FIRRM: variants seen among roughly 807,000 people sequenced by gnomAD.
FIRRM encodes the protein FIGNL1 interacting regulator of recombination and mitosis, also known as FIGNL1-interacting regulator of recombination and mitosis.
the FIRRM span, chr1:169,793,999 G>A: frequency 4.8e-6 from 1 of 209,790 alleles, no homozygotes; most frequent in Non-Finnish European, 8.9e-6. Flanking sequence ...ACCCCTCCCT[G>A]TCCCACCATA....
At chr1:169,832,419 A>G in the FIRRM span, 1 of 1,610,080 alleles carries the variant, frequency 6.2e-7, no homozygotes, top group South Asian at 1.1e-5. Context: ...TTTTCCAGAT[A>G]AAGTCATGCC....
chr1:169,811,579 C>T, the FIRRM span, among the ~76,000 whole-genome samples: 1 of 152,004 alleles, frequency 6.6e-6, no homozygotes, highest in African/African-American at 2.4e-5. Flanking sequence ...GCATTGAGCC[C>T]AGGAGATTGA....
chr1:169,819,189 T>C, the FIRRM span, among the ~76,000 whole-genome samples: 19 of 152,208 alleles, frequency 1.2e-4, no homozygotes, highest in African/African-American at 1.9e-4. Flanking sequence ...GTCCAATGAT[T>C]TTACCATGCA....
chr1:169,802,620 G>A, the FIRRM span: 1 of 1,596,658 alleles, frequency 6.3e-7, no homozygotes, highest in Non-Finnish European at 8.6e-7. Context: ...TGTTTTTACA[G>A]ACTGTGAAAT....
At chr1:169,798,591 A>G in the FIRRM span, among the ~76,000 whole-genome samples, 2 of 152,102 alleles carry the variant, frequency 1.3e-5, no homozygotes, top group Non-Finnish European at 2.9e-5. Flanking sequence ...CTCTCTAAAA[A>G]AAAATAAATA....
At chr1:169,815,832 C>G in the FIRRM span, among the ~76,000 whole-genome samples, 1 of 152,188 alleles carries the variant, frequency 6.6e-6, no homozygotes, top group Non-Finnish European at 1.5e-5. Context: ...TTTCCCTCCT[C>G]CCTTTTATAA....
chr1:169,852,973 C>T, the FIRRM span: 1 of 1,613,948 alleles, frequency 6.2e-7, no homozygotes, highest in South Asian at 1.1e-5. Flanking sequence ...ACGTTACATA[C>T]ATACTCTAGG....
the FIRRM span, among the ~76,000 whole-genome samples, chr1:169,786,209 T>G: frequency 6.6e-6 from 1 of 152,176 alleles, no homozygotes; most frequent in Non-Finnish European, 1.5e-5. Flanking sequence ...AAATACAGGC[T>G]TGGATGTATT....
the FIRRM span, among the ~76,000 whole-genome samples, chr1:169,828,505 G>A: frequency 1.3e-5 from 2 of 151,220 alleles, no homozygotes; most frequent in Non-Finnish European, 2.9e-5. Context: ...GCTTTTACTC[G>A]TGCTTTTGTC....
the FIRRM span, chr1:169,821,625 A>G: frequency 7.6e-7 from 1 of 1,320,106 alleles, no homozygotes; most frequent in Non-Finnish European, 1.0e-6. Context: ...AGCTTAGCTA[A>G]TTTTATATTC....
the FIRRM span, among the ~76,000 whole-genome samples, chr1:169,822,651 C>T: frequency 6.6e-6 from 1 of 152,076 alleles, no homozygotes; most frequent in African/African-American, 2.4e-5. Flanking sequence ...AGGCGCCTGC[C>T]ACCACACCCA....
At chr1:169,849,539 C>T in the FIRRM span, 944 of 1,614,030 alleles carry the variant, frequency 5.8e-4, 4 homozygotes, top group Non-Finnish European at 1.3e-4. Flanking sequence ...GTTTGCCTTA[C>T]TGCTAGCTGA....
the FIRRM span, among the ~76,000 whole-genome samples, chr1:169,820,034 G>A: frequency 6.6e-6 from 1 of 152,172 alleles, no homozygotes; most frequent in Non-Finnish European, 1.5e-5. Context: ...ATTAAAACAT[G>A]AACCCCCAAA....
the FIRRM span, chr1:169,847,669 C>G: frequency 3.3e-6 from 5 of 1,511,824 alleles, no homozygotes; most frequent in Non-Finnish European, 3.7e-6. Context: ...TATAACTGTT[C>G]TTTGGTCTTC....
At chr1:169,785,680 TG>T in the FIRRM span, among the ~76,000 whole-genome samples, 104 of 152,210 alleles carry the variant, frequency 6.8e-4, no homozygotes, top group African/African-American at 2.3e-3. Context: ...GGGGTTTATA[TG>T]GTACACAATA....
the FIRRM span, among the ~76,000 whole-genome samples, chr1:169,791,932 A>C: frequency 1.3e-5 from 2 of 152,190 alleles, no homozygotes; most frequent in Non-Finnish European, 2.9e-5. Flanking sequence ...ATACTCCCCC[A>C]AATCTGGAAT....
the FIRRM span, chr1:169,850,438 C>A: frequency 1.2e-6 from 1 of 836,198 alleles, no homozygotes. Context: ...GTCTTCTTAG[C>A]TTAAACTTTT....
chr1:169,830,690 T>C, the FIRRM span: 1 of 1,613,110 alleles, frequency 6.2e-7, no homozygotes, highest in Non-Finnish European at 8.5e-7. Flanking sequence ...CTCTTTTATA[T>C]TGCAGATATG....
the FIRRM span, among the ~76,000 whole-genome samples, chr1:169,832,193 A>G: frequency 6.6e-6 from 1 of 152,242 alleles, no homozygotes; most frequent in South Asian, 2.1e-4. Context: ...CATCAAAATG[A>G]TAATTAGAAA....
Sources: allele counts gnomAD v4.1 joint callset (sites outside exome capture counted in the v4.1 genomes callset), GRCh38; gene constraint gnomAD v4.1.1; transcripts MANE v1.5; gene names NCBI Gene and HGNC (gene_info 2026-07-23, HGNC 2026-07-21).